Variants in TMA16 observed in about 807,000 individuals in gnomAD.
TMA16 encodes translation machinery associated 16 homolog.
TMA16 carries 26 observed loss-of-function variants against 27.1 expected under a neutral mutation model. That is an observed-to-expected ratio of 0.96 (90% CI 0.70 to 1.33). The LOEUF (loss-of-function observed/expected upper bound fraction) is 1.33, where lower values mean the gene tolerates loss of function less well. Ranked by LOEUF, TMA16 falls within the 40% of genes most tolerant of loss-of-function variation. The pLI, the probability that TMA16 is intolerant of heterozygous loss-of-function variation, is 0.00. For synonymous variants in TMA16, 71 were observed against 81.9 expected (o/e 0.87, Z 0.72); for missense variants, 233 against 241.4 (o/e 0.97, Z 0.23).
intron 5 of TMA16, 47 bp downstream of exon 5, chr4:163,515,508 T>G: frequency 6.6e-7 from 1 of 1,504,470 alleles, no homozygotes; most frequent in Non-Finnish European, 8.9e-7. Flanking sequence ...CATAGCAGTA[T>G]CAATTTGTGA....
intron 4 of TMA16, among the ~76,000 whole-genome samples, chr4:163,514,379 G>T (rs1737844575): frequency 6.6e-6 from 1 of 152,196 alleles, no homozygotes; most frequent in African/African-American, 2.4e-5. Context: ...GCTTCCTGGA[G>T]AAGTGTCATC....
At chr4:163,500,367 C>T (rs778753353) in intron 1 of TMA16, among the ~76,000 whole-genome samples, 17 of 151,968 alleles carry the variant, frequency 1.1e-4, no homozygotes, top group Non-Finnish European at 2.1e-4. Flanking sequence ...TGCACCACCA[C>T]GCCTGGCTAA....
At chr4:163,504,108 T>C (rs1737686672) in intron 1 of TMA16, among the ~76,000 whole-genome samples, 1 of 152,232 alleles carries the variant, frequency 6.6e-6, no homozygotes, top group Non-Finnish European at 1.5e-5. Flanking sequence ...ACATTTTTTG[T>C]AGTTTTGAAC....
intron 2 of TMA16, among the ~76,000 whole-genome samples, chr4:163,509,999 T>A (rs1737769577): frequency 6.6e-6 from 1 of 152,202 alleles, no homozygotes; most frequent in Non-Finnish European, 1.5e-5. Flanking sequence ...GTTTTAAGAA[T>A]TTTTTCATAT....
chr4:163,519,878 C>T lies in TMA16; in HGVS notation c.*364C>T, dbSNP rs1737943111. The T allele has an allele frequency of 1.9e-6, 1 of 528,042 alleles. No homozygotes were observed. Among genetic ancestry groups the T allele is most frequent in the African/African-American group, 2.0e-5 (1 of 49,620 alleles). The allele number at this position is 528,042 out of a possible 1,614,324, so 32.7% of individuals were successfully genotyped here. The stretch of plus-strand genomic sequence containing the variant: ...ACAGTAACCTGTTTCCTGAAAGATT[C>T]CTGTGGGTACTTTTTGAGCTGTGAT... On this transcript the variant is annotated 3_prime_UTR_variant, in exon 7 of 7. Transcript: ENST00000358572.
At chr4:163,519,301 T>C (rs1444087519) in intron 6 of TMA16, 33 bp from the exon 7 acceptor site, 19 of 1,530,800 alleles carry the variant, frequency 1.2e-5, no homozygotes, top group Non-Finnish European at 1.7e-5. Context: ...TTACCAACAC[T>C]CTGCACTCTT....
chr4:163,516,171 A>G (rs1737874531), intron 5 of TMA16: 1 of 152,266 alleles, frequency 6.6e-6, no homozygotes, highest in Admixed American at 6.5e-5. Context: ...AAAGTAAACC[A>G]TTTGTTGGTG....
intron 1 of TMA16, among the ~76,000 whole-genome samples, chr4:163,501,737 G>T (rs1579014679): frequency 6.6e-6 from 1 of 152,262 alleles, no homozygotes; most frequent in African/African-American, 2.4e-5. Context: ...AGGATATTTT[G>T]ATTTGATTTT....
chr4:163,511,694 A>G (rs1223329836), intron 2 of TMA16, among the ~76,000 whole-genome samples: 1 of 150,828 alleles, frequency 6.6e-6, no homozygotes, highest in African/African-American at 2.4e-5. Context: ...GCATGGTGGT[A>G]TATAACAGTA....
chr4:163,509,219 C>T (rs1433595955), intron 2 of TMA16, among the ~76,000 whole-genome samples: 1 of 152,086 alleles, frequency 6.6e-6, no homozygotes, highest in Non-Finnish European at 1.5e-5. Context: ...GGAATGTGGT[C>T]ACAAAAGGCA....
intron 1 of TMA16, among the ~76,000 whole-genome samples, chr4:163,498,526 A>T (rs1737596933): frequency 6.6e-6 from 1 of 152,008 alleles, no homozygotes; most frequent in Non-Finnish European, 1.5e-5. Context: ...TGACCTCATG[A>T]TCTGCCCGCC....
Position 163,519,595 on chromosome 4 carries a change from A to G in TMA16, c.*81A>G. ...GATTATGGTACCTAATTGTCATGATACAAAAATTTGATACTGACATTCTCT... is the reference window on the plus strand; with the variant it reads ...GATTATGGTACCTAATTGTCATGATGCAAAAATTTGATACTGACATTCTCT... On this transcript the variant is annotated 3_prime_UTR_variant, in exon 7 of 7. Transcript: ENST00000358572. 1 of 1,344,490 alleles carries G rather than the reference A, an allele frequency of 7.4e-7. No individual in the cohort carries two copies. Among genetic ancestry groups the G allele is most frequent in the Non-Finnish European group, 9.9e-7 (1 of 1,008,018 alleles). The allele number at this position is 1,344,490 out of a possible 1,614,324, so 83.3% of individuals were successfully genotyped here.
chr4:163,512,809 C>T lies in TMA16; in HGVS notation c.117-13C>T, dbSNP rs1162855117. 6.3e-7 allele frequency: 1 copy of T among 1,592,452 alleles called. No homozygotes were observed. Among genetic ancestry groups the T allele is most frequent in the Non-Finnish European group, 8.6e-7 (1 of 1,166,952 alleles). ...GAAATTTTCTAACACATATATTTAC[C>T]TTTCCTTCAAAGATTGAAGAATGAA... On this transcript the variant is annotated splice_polypyrimidine_tract_variant and intron_variant, in intron 2 of 6. Coordinates refer to ENST00000358572, the MANE Select transcript of TMA16 (RefSeq NM_018352.3).
At chr4:163,517,543 C>T in intron 6 of TMA16, 67 bp downstream of exon 6, 1 of 1,409,750 alleles carries the variant, frequency 7.1e-7, no homozygotes, top group Non-Finnish European at 9.8e-7. Flanking sequence ...ACTTTCTTCC[C>T]CTTTGAGTCT....
intron 1 of TMA16, among the ~76,000 whole-genome samples, chr4:163,501,298 G>A (rs1737647901): frequency 6.6e-6 from 1 of 152,130 alleles, no homozygotes; most frequent in Non-Finnish European, 1.5e-5. Flanking sequence ...TTGCGTGTGA[G>A]ATGAGTTTAA....
intron 5 of TMA16, 127 bp from the exon 6 acceptor site, chr4:163,517,303 GTTAA>G (rs1398219491): frequency 6.2e-6 from 5 of 811,842 alleles, no homozygotes; most frequent in African/African-American, 1.8e-5. Context: ...AATTTTTCAT[GTTAA>G]TTACAGCAAT....
chr4:163,519,065 G>A (rs1266045423), intron 6 of TMA16, among the ~76,000 whole-genome samples: 1 of 152,148 alleles, frequency 6.6e-6, no homozygotes, highest in East Asian at 1.9e-4. Flanking sequence ...TCTTCTGACT[G>A]TATTTTGGAG....
At chr4:163,513,476 G>T (rs1737826235) in intron 3 of TMA16, among the ~76,000 whole-genome samples, 1 of 152,126 alleles carries the variant, frequency 6.6e-6, no homozygotes, top group Admixed American at 6.5e-5. Context: ...AAGTGACCCT[G>T]ACGGTCAGGT....
intron 6 of TMA16, among the ~76,000 whole-genome samples, chr4:163,518,003 TA>T (rs745781192): frequency 1.3e-5 from 2 of 152,108 alleles, no homozygotes; most frequent in Non-Finnish European, 2.9e-5. Context: ...ACTTTGATTT[TA>T]AATTCAGAGG....
Sources: gnomAD v4.1 joint callset for allele counts (sites outside exome capture counted in the v4.1 genomes callset) on GRCh38, gnomAD v4.1.1 for gene constraint, MANE v1.5 for transcripts, NCBI Gene and HGNC (gene_info 2026-07-23, HGNC 2026-07-21) for gene names.